Variants in DPY19L2 observed in about 807,000 individuals in gnomAD.
DPY19L2 encodes the protein probable C-mannosyltransferase DPY19L2.
DPY19L2 carries 34 observed loss-of-function variants against 97.9 expected under a neutral mutation model. The observed-to-expected ratio is 0.35, with a 90% CI of 0.26 to 0.46. DPY19L2 has a LOEUF of 0.46. Among genes scored for constraint, DPY19L2 ranks in the 20% least tolerant of loss-of-function variants. DPY19L2 has a pLI of 1.00. For synonymous variants in DPY19L2, 230 were observed against 307.9 expected (o/e 0.75, Z 2.65); for missense variants, 623 against 911.4 (o/e 0.68, Z 4.07).
intron 18 of DPY19L2, among the ~76,000 whole-genome samples, chr12:63,581,175 A>G (rs1592425602): frequency 6.6e-6 from 1 of 152,174 alleles, no homozygotes; most frequent in Non-Finnish European, 1.5e-5. Context: ...TTTTGTGGAC[A>G]TGGTTAGTAG....
At chr12:63,600,475 T>C in intron 12 of DPY19L2, 89 bp from the exon 13 acceptor site, 1 of 1,117,482 alleles carries the variant, frequency 8.9e-7, no homozygotes, top group South Asian at 1.4e-5. Context: ...ATAGAAAAAA[T>C]TTAATTATGT....
chr12:63,656,515 A>G (rs914727795), intron 4 of DPY19L2, among the ~76,000 whole-genome samples: 1 of 152,086 alleles, frequency 6.6e-6, no homozygotes. Flanking sequence ...TTGTTTATCT[A>G]TTCATTCATG....
At chr12:63,637,920 G>A (rs184995285) in intron 6 of DPY19L2, among the ~76,000 whole-genome samples, 3 of 152,204 alleles carry the variant, frequency 2.0e-5, no homozygotes, top group Non-Finnish European at 2.9e-5. Flanking sequence ...GAGAATTTTA[G>A]ACCAATATCC....
chr12:63,616,625 A>T lies in DPY19L2; in HGVS notation c.1218+679T>A, dbSNP rs1472179451. Reference sequence around the variant, plus strand: ...TGTAATAGAACTGATTTACTAAACCACCCTTCCAAACACATATCCAAAAGA... The same window carrying T: ...TGTAATAGAACTGATTTACTAAACCTCCCTTCCAAACACATATCCAAAAGA... On this transcript the variant is annotated intron_variant, in intron 11 of 21. Coordinates refer to ENST00000324472, the MANE Select transcript of DPY19L2 (RefSeq NM_173812.5). Among the ~76,000 whole-genome samples, 6 of 152,224 alleles carry T rather than the reference A, an allele frequency of 3.9e-5. No individual in the cohort carries two copies. In the East Asian group the frequency reaches 1.2e-3, roughly 29 times the overall value.
chr12:63,589,386 A>AAAAAAAAAAAT (rs1403602959), intron 16 of DPY19L2, among the ~76,000 whole-genome samples: 1 of 131,932 alleles, frequency 7.6e-6, no homozygotes, highest in East Asian at 2.0e-4. Context: ...AAAAAAAAAA[A>AAAAAAAAAAAT]AAAAAAGTAA....
chr12:63,600,849 G>T (rs1166664402), intron 12 of DPY19L2, among the ~76,000 whole-genome samples: 1 of 147,612 alleles, frequency 6.8e-6, no homozygotes, highest in Non-Finnish European at 1.5e-5. Context: ...GCAGTGGCGC[G>T]ATCTCTGCTC....
chr12:63,575,976 C>A (rs532706862), intron 19 of DPY19L2, among the ~76,000 whole-genome samples: 1 of 151,936 alleles, frequency 6.6e-6, no homozygotes, highest in South Asian at 2.1e-4. Context: ...CAAAACCATA[C>A]AAAGAACCAT....
At chr12:63,577,536 A>G (rs532693380) in intron 19 of DPY19L2, among the ~76,000 whole-genome samples, 35 of 152,224 alleles carry the variant, frequency 2.3e-4, no homozygotes, top group Non-Finnish European at 3.7e-4. Context: ...CAAACTACCA[A>G]TCTGACAAGG....
intron 6 of DPY19L2, among the ~76,000 whole-genome samples, chr12:63,627,748 A>T (rs150160583): frequency 0.013 from 2,042 of 152,248 alleles, 24 homozygotes; most frequent in Non-Finnish European, 0.021. Context: ...GCTTCCATTT[A>T]TCTTCCCTCC....
chr12:63,571,352 C>A (rs1878808689), intron 19 of DPY19L2, among the ~76,000 whole-genome samples: 1 of 152,154 alleles, frequency 6.6e-6, no homozygotes, highest in African/African-American at 2.4e-5. Flanking sequence ...AAGTGACTTG[C>A]CCAAGACTGT....
intron 6 of DPY19L2, among the ~76,000 whole-genome samples, chr12:63,643,020 A>G (rs907173472): frequency 6.6e-6 from 1 of 151,820 alleles, no homozygotes; most frequent in African/African-American, 2.4e-5. Flanking sequence ...TTTTAATGCT[A>G]TTCCAAATAG....
Position 63,647,355 on chromosome 12 carries a change from G to T in DPY19L2, c.599C>A (p.Ala200Asp). 5 of 1,566,238 alleles carry T rather than the reference G, an allele frequency of 3.2e-6. No homozygotes were observed. The highest frequency in any genetic ancestry group is 4.3e-6 in the Non-Finnish European group (5 of 1,155,026). The change falls in exon 5 of 22, where the codon GCC (alanine) becomes GAC (aspartate). Residue 200 changes from alanine (A) to aspartate (D), a missense_variant. By Grantham distance (126) the Ala-to-Asp change is moderately radical. This residue lies in a region of DPY19L2 where 27 missense variants were observed against 77.5 expected (regional missense o/e 0.35). Transcript: ENST00000324472. ...RFHLYPEVII[A>D]SWYCTFMGIM... Reference sequence around the variant, plus strand: ...TCCCATGAATGTGCAATACCAGGAGGCTATGATTACCTTAAAAAAGATAAA... The same window carrying T: ...TCCCATGAATGTGCAATACCAGGAGTCTATGATTACCTTAAAAAAGATAAA...
At chr12:63,575,126 A>G (rs1424825116) in intron 19 of DPY19L2, among the ~76,000 whole-genome samples, 4 of 94,306 alleles carry the variant, frequency 4.2e-5, no homozygotes, top group African/African-American at 2.3e-4. Flanking sequence ...ATCTTCTCTG[A>G]CCACAATGGA....
intron 18 of DPY19L2, among the ~76,000 whole-genome samples, chr12:63,582,010 G>A (rs1485588944): frequency 1.9e-4 from 27 of 139,928 alleles, no homozygotes; most frequent in East Asian, 6.6e-4. Flanking sequence ...CATGTTGGCC[G>A]GGCTGGTCTC....
chr12:63,627,421 C>T (rs1181071281), intron 6 of DPY19L2, among the ~76,000 whole-genome samples: 1 of 152,128 alleles, frequency 6.6e-6, no homozygotes, highest in African/African-American at 2.4e-5. Context: ...GCGATCTCGG[C>T]TCACTGCAAC....
chr12:63,563,132 A>T (rs921313266), intron 21 of DPY19L2, among the ~76,000 whole-genome samples: 6 of 151,800 alleles, frequency 4.0e-5, no homozygotes, highest in African/African-American at 1.5e-4. Context: ...TTTTCTTATT[A>T]TTGGGTTTTG....
intron 6 of DPY19L2, among the ~76,000 whole-genome samples, chr12:63,635,679 G>A (rs1891541056): frequency 1.3e-5 from 2 of 152,130 alleles, no homozygotes; most frequent in Non-Finnish European, 1.5e-5. Context: ...GTGGAAGAAA[G>A]GGTATCAGTG....
intron 19 of DPY19L2, among the ~76,000 whole-genome samples, chr12:63,575,344 G>GT (rs1879628792): frequency 1.3e-5 from 2 of 151,918 alleles, no homozygotes; most frequent in South Asian, 4.1e-4. Flanking sequence ...GTCTATAGCT[G>GT]TAAGTGCCCA....
intron 11 of DPY19L2, among the ~76,000 whole-genome samples, chr12:63,612,689 CA>C (rs1344545488): frequency 6.8e-6 from 1 of 147,002 alleles, no homozygotes; most frequent in African/African-American, 2.5e-5. Flanking sequence ...GAGTAGAAAT[CA>C]ATGAAACAGA....
Sources: gnomAD v4.1 joint callset for allele counts (sites outside exome capture counted in the v4.1 genomes callset) on GRCh38, gnomAD v4.1.1 for gene constraint, gnomAD v4.1.1 regional missense constraint, MANE v1.5 for transcripts, NCBI Gene and HGNC (gene_info 2026-07-23, HGNC 2026-07-21) for gene names.